STAG1: variants seen among roughly 807,000 people sequenced by gnomAD.
STAG1 encodes STAG1 cohesin complex component, also known as cohesin subunit SA-1.
Under a neutral mutation model 170.9 loss-of-function variants are expected in STAG1, and 26 were observed. That is an observed-to-expected ratio of 0.15 (90% CI 0.11 to 0.21). STAG1 has a LOEUF of 0.21. STAG1 is among the 10% of genes least tolerant of loss of function. The probability of loss-of-function intolerance (pLI) is 1.00; values close to 1 mark genes in which losing one functional copy is unlikely to be tolerated. For synonymous variants in STAG1, 514 were observed against 497.7 expected, an observed-to-expected ratio of 1.03 and a Z score of -0.44; for missense variants, 964 against 1,509.5, an observed-to-expected ratio of 0.64 and a Z score of 5.99.
intron 1 of STAG1, among the ~76,000 whole-genome samples, chr3:136,729,487 G>C (rs1933876838): frequency 6.6e-6 from 1 of 151,184 alleles, no homozygotes; most frequent in Non-Finnish European, 1.5e-5. Context: ...CAGTAAATAA[G>C]ATCTAGAGGT....
chr3:136,525,881 T>A (rs1219660529), intron 6 of STAG1, among the ~76,000 whole-genome samples: 1 of 152,204 alleles, frequency 6.6e-6, no homozygotes, highest in East Asian at 1.9e-4. Context: ...AGCAGGTTGT[T>A]TAGTTTCCAT....
At chr3:136,507,168 T>C (rs1016102390) in intron 7 of STAG1, among the ~76,000 whole-genome samples, 6 of 152,198 alleles carry the variant, frequency 3.9e-5, no homozygotes, top group Non-Finnish European at 8.8e-5. Flanking sequence ...AATTTGAGTA[T>C]AGGCAGCCTT....
chr3:136,402,131 T>A (rs1405505574), intron 21 of STAG1, among the ~76,000 whole-genome samples: 1 of 152,138 alleles, frequency 6.6e-6, no homozygotes, highest in East Asian at 1.9e-4. Flanking sequence ...GGTAAACATA[T>A]GTAGATAATA....
intron 5 of STAG1, among the ~76,000 whole-genome samples, chr3:136,551,589 T>C (rs900197080): frequency 6.6e-6 from 1 of 151,254 alleles, no homozygotes; most frequent in Non-Finnish European, 1.5e-5. Flanking sequence ...CTCTTTTGAA[T>C]TTCTGAATAG....
chr3:136,372,606 C>T lies in STAG1; in HGVS notation c.2371-3324G>A, dbSNP rs151304627. On this transcript the variant is annotated intron_variant, in intron 23 of 33. Transcript: ENST00000383202. ...CCTTTAATGCATCTATTGAGATAAT[C>T]ATGTCGTTTTTGTCTTTGGTTCTGT... 1.7e-3 allele frequency among the ~76,000 whole-genome samples: 258 copies of T among 152,216 alleles called. 1 individual carries two copies. The highest frequency in any genetic ancestry group is 5.9e-3 in the African/African-American group (246 of 41,522).
At position 136,410,721 on chromosome 3, in the gene STAG1, C is replaced by T. The variant is rs140661303; in HGVS notation, c.2196+7164G>A. 9.8e-5 allele frequency among the ~76,000 whole-genome samples: 15 copies of T among 152,356 alleles called. No homozygotes were observed. The East Asian group carries it at 2.9e-3, about 29-fold the overall frequency. ...CAGCCTGGTGGCTCCCTCCTGTAATCTCAGCACTTTGGGAGGCCAAGGTGG... is the reference window on the plus strand; with the variant it reads ...CAGCCTGGTGGCTCCCTCCTGTAATTTCAGCACTTTGGGAGGCCAAGGTGG... On this transcript the variant is annotated intron_variant, in intron 21 of 33. Coordinates refer to ENST00000383202, the MANE Select transcript of STAG1 (RefSeq NM_005862.3).
At chr3:136,552,294 A>T (rs571382583) in intron 5 of STAG1, among the ~76,000 whole-genome samples, 1 of 152,224 alleles carries the variant, frequency 6.6e-6, no homozygotes, top group Non-Finnish European at 1.5e-5. Flanking sequence ...TTTTTTTGAA[A>T]AATTTCAGCA....
At chr3:136,393,261 A>G (rs1445246122) in intron 22 of STAG1, among the ~76,000 whole-genome samples, 1 of 152,216 alleles carries the variant, frequency 6.6e-6, no homozygotes, top group Non-Finnish European at 1.5e-5. Flanking sequence ...AGGGGAAAAA[A>G]TGGATAGAGT....
chr3:136,688,930 G>T lies in STAG1; in HGVS notation c.-83-57949C>A, dbSNP rs186135277. On this transcript the variant is annotated intron_variant, in intron 1 of 33. Transcript: ENST00000383202. ...GGTTTCCATAAATTTTGCCAACTGG[G>T]TTTTTACAGTTGCATTTCTTTGTTC... 6.7e-4 allele frequency among the ~76,000 whole-genome samples: 102 copies of T among 152,260 alleles called. No homozygotes were observed. The East Asian group carries it at 0.02, about 29-fold the overall frequency.
At position 136,339,387 on chromosome 3, in the gene STAG1, G is replaced by A. The variant is rs375399526; in HGVS notation, c.3673-937C>T. ...AAAATATAAAAATTAACTGGGTATG[G>A]TGGCATGTGCCTATAGTGCCAGCTA... is the stretch of plus-strand genomic sequence containing the variant. On this transcript the variant is annotated intron_variant, in intron 32 of 33. Coordinates refer to ENST00000383202, the MANE Select transcript of STAG1 (RefSeq NM_005862.3). 9.2e-5 allele frequency among the ~76,000 whole-genome samples: 14 copies of A among 152,300 alleles called. No homozygotes were observed. The East Asian group carries it at 2.3e-3, about 25-fold the overall frequency.
At chr3:136,571,824 T>A (rs922220081) in intron 4 of STAG1, among the ~76,000 whole-genome samples, 42 of 152,028 alleles carry the variant, frequency 2.8e-4, no homozygotes, top group African/African-American at 9.2e-4. Context: ...GAGGCTACAG[T>A]GAACTATTAC....
chr3:136,698,293 C>T (rs1010871144), intron 1 of STAG1, among the ~76,000 whole-genome samples: 2 of 151,876 alleles, frequency 1.3e-5, no homozygotes, highest in Non-Finnish European at 2.9e-5. Context: ...ACAAGGAACT[C>T]AAATCAGCAA....
At chr3:136,541,266 T>C (rs1180087412) in intron 6 of STAG1, among the ~76,000 whole-genome samples, 3 of 152,068 alleles carry the variant, frequency 2.0e-5, no homozygotes, top group Non-Finnish European at 4.4e-5. Flanking sequence ...ATACCAAAAA[T>C]AGAAATGTTA....
chr3:136,409,519 TATAG>T (rs1328656087), intron 21 of STAG1, among the ~76,000 whole-genome samples: 1 of 152,008 alleles, frequency 6.6e-6, no homozygotes, highest in Non-Finnish European at 1.5e-5. Flanking sequence ...GTATTTTTAG[TATAG>T]ATGGGGTTTT....
At position 136,454,325 on chromosome 3, in the gene STAG1, C is replaced by A. The variant is rs531614901; in HGVS notation, c.1314-2178G>T. 1.7e-3 allele frequency among the ~76,000 whole-genome samples: 254 copies of A among 151,696 alleles called. 1 individual carries two copies. The highest frequency in any genetic ancestry group is 5.2e-3 in the African/African-American group (213 of 41,338). On this transcript the variant is annotated intron_variant, in intron 13 of 33. Transcript: ENST00000383202. ...GAACTCCTGACCTCAAGTAATCCGC[C>A]CACCTCAGCCTCCCAAAGTGCTGGG...
chr3:136,473,708 G>A, intron 10 of STAG1, 71 bp from the exon 11 acceptor site: 2 of 1,147,496 alleles, frequency 1.7e-6, no homozygotes, highest in Non-Finnish European at 2.6e-6. Flanking sequence ...TCTATATGAA[G>A]ACTAAAATTT....
At chr3:136,458,620 TACAAAACAACC>T (rs2089186385) in intron 13 of STAG1, among the ~76,000 whole-genome samples, 1 of 151,960 alleles carries the variant, frequency 6.6e-6, no homozygotes, top group Non-Finnish European at 1.5e-5. Flanking sequence ...CAATGGGATC[TACAAAACAACC>T]AGAAAACAAG....
chr3:136,488,391 G>A (rs1162927565), intron 9 of STAG1, among the ~76,000 whole-genome samples: 3 of 152,218 alleles, frequency 2.0e-5, no homozygotes, highest in African/African-American at 7.2e-5. Context: ...CCAAAGGGCT[G>A]GGGTTACAGG....
Position 136,687,291 on chromosome 3 carries a change from A to G in STAG1, c.-83-56310T>C, listed in dbSNP as rs113806029. 1.7e-4 allele frequency among the ~76,000 whole-genome samples: 26 copies of G among 152,346 alleles called. 1 individual carries two copies. The highest frequency in any genetic ancestry group is 6.3e-4 in the African/African-American group (26 of 41,578). ...AGTTACTTGTAGGGAGGTGACAGCA[A>G]TACTTATTTAAGGTTCTATTATTAA... On this transcript the variant is annotated intron_variant, in intron 1 of 33. Coordinates refer to ENST00000383202, the MANE Select transcript of STAG1 (RefSeq NM_005862.3).
Sources: gnomAD v4.1 joint callset for allele counts (sites outside exome capture counted in the v4.1 genomes callset) on GRCh38, gnomAD v4.1.1 for gene constraint, MANE v1.5 for transcripts, NCBI Gene and HGNC (gene_info 2026-07-23, HGNC 2026-07-21) for gene names.